PKIA: variants seen among roughly 807,000 people sequenced by gnomAD.
The protein encoded by PKIA is PKI-alpha.
A neutral mutation model predicts 7.6 loss-of-function variants in PKIA; 4 were observed. The observed-to-expected ratio is 0.52, with a 90% CI of 0.26 to 1.20. The LOEUF is 1.20. PKIA is among the 50% of genes most tolerant of loss of function. The probability of loss-of-function intolerance (pLI) is 0.13; values close to 1 mark genes in which losing one functional copy is unlikely to be tolerated. For missense variants in PKIA, 73 were observed against 86.2 expected (o/e 0.85, Z 0.61); for synonymous variants, 21 against 30.7 (o/e 0.68, Z 1.04).
Position 78,538,880 on chromosome 8 carries a change from G to T in PKIA, c.-157+22412G>T, listed in dbSNP as rs760294222. 3.9e-5 allele frequency among the ~76,000 whole-genome samples: 6 copies of T among 152,130 alleles called. No homozygotes were observed. In the East Asian group the frequency reaches 1.2e-3, roughly 29 times the overall value. On this transcript the variant is annotated intron_variant, in intron 1 of 3. Coordinates refer to ENST00000396418, the MANE Select transcript of PKIA (RefSeq NM_006823.4). Reference sequence around the variant, plus strand: ...ACACAACCCAGGGAAAAATGACTGGGCATTGTGAGAGAGTGTGGGTGTCTT... The same window carrying T: ...ACACAACCCAGGGAAAAATGACTGGTCATTGTGAGAGAGTGTGGGTGTCTT...
In PKIA at chr8:78,598,554, A is replaced by T; in HGVS notation, c.151+19A>T. On this transcript the variant is annotated intron_variant, in intron 3 of 3. Coordinates refer to ENST00000396418, the MANE Select transcript of PKIA (RefSeq NM_006823.4). Reference sequence around the variant, plus strand: ...AAGACAGGTAAGTCATCTGGCACACATTTCTCTATGAGCATGGAATGATTT... The same window carrying T: ...AAGACAGGTAAGTCATCTGGCACACTTTTCTCTATGAGCATGGAATGATTT... 1 of 1,593,922 alleles carries T rather than the reference A, an allele frequency of 6.3e-7. No homozygotes were observed.
At chr8:78,553,737 ATTTTT>A (rs10706008) in intron 1 of PKIA, among the ~76,000 whole-genome samples, 1 of 141,000 alleles carries the variant, frequency 7.1e-6, no homozygotes, top group African/African-American at 2.6e-5. Context: ...AAACAACTGG[ATTTTT>A]TTTTTTTTTT....
chr8:78,604,781 T>C lies in PKIA; in HGVS notation c.*2960T>C, dbSNP rs1808435957. ...TTGCAACAAGCATGAAATTGTTAAA[T>C]TTACCTTTTATCAATTGTAATCATC... On this transcript the variant is annotated 3_prime_UTR_variant, in exon 4 of 4. Coordinates refer to ENST00000396418, the MANE Select transcript of PKIA (RefSeq NM_006823.4). The C allele has an allele frequency of 6.6e-6, 1 of 151,984 alleles. No individual in the cohort carries two copies. The highest frequency in any genetic ancestry group is 3.2e-3 in the Middle Eastern group (1 of 316). The allele number at this position is 151,984 out of a possible 1,614,324, so 9.4% of individuals were successfully genotyped here.
chr8:78,571,487 T>C (rs914259788), intron 1 of PKIA, among the ~76,000 whole-genome samples: 3 of 152,092 alleles, frequency 2.0e-5, no homozygotes, highest in Admixed American at 1.3e-4. Context: ...CATATCTGGC[T>C]GAAACTTTCA....
intron 1 of PKIA, among the ~76,000 whole-genome samples, chr8:78,549,963 G>C (rs374041772): frequency 1.3e-5 from 2 of 152,028 alleles, no homozygotes; most frequent in Admixed American, 6.6e-5. Flanking sequence ...GTTTATTTTA[G>C]TCAGCAATTA....
intron 1 of PKIA, among the ~76,000 whole-genome samples, chr8:78,524,226 TTA>T (rs199509658): frequency 1.4e-5 from 2 of 138,018 alleles, no homozygotes; most frequent in African/African-American, 2.9e-5. Flanking sequence ...ACATTTATAT[TTA>T]TATATAAATA....
chr8:78,600,260 C>A (rs1808321664), intron 3 of PKIA, among the ~76,000 whole-genome samples: 1 of 151,940 alleles, frequency 6.6e-6, no homozygotes, highest in South Asian at 2.1e-4. Flanking sequence ...TATATAATGA[C>A]AAATTCAACG....
intron 1 of PKIA, among the ~76,000 whole-genome samples, chr8:78,521,622 T>C (rs1196785009): frequency 1.3e-5 from 2 of 152,024 alleles, no homozygotes; most frequent in East Asian, 3.9e-4. Flanking sequence ...ATTATAACTA[T>C]ATAAGTGTCT....
At chr8:78,544,619 T>C (rs1251457151) in intron 1 of PKIA, among the ~76,000 whole-genome samples, 1 of 152,164 alleles carries the variant, frequency 6.6e-6, no homozygotes, top group Non-Finnish European at 1.5e-5. Context: ...TTGATAAAAG[T>C]AATTGAAAGC....
chr8:78,598,645 G>A, intron 3 of PKIA, 110 bp downstream of exon 3: 1 of 813,192 alleles, frequency 1.2e-6, no homozygotes, highest in South Asian at 1.7e-5. Flanking sequence ...AATGTAAAGA[G>A]TTTTAAACAA....
intron 2 of PKIA, among the ~76,000 whole-genome samples, chr8:78,588,609 A>C (rs886552731): frequency 6.6e-6 from 1 of 152,214 alleles, no homozygotes; most frequent in Non-Finnish European, 1.5e-5. Flanking sequence ...TATTTGGTGA[A>C]TAATCTGTAG....
At chr8:78,518,776 T>C (rs1406108181) in intron 1 of PKIA, among the ~76,000 whole-genome samples, 1 of 152,182 alleles carries the variant, frequency 6.6e-6, no homozygotes, top group Non-Finnish European at 1.5e-5. Flanking sequence ...CACTAAGTTA[T>C]GGACTGGAGT....
intron 1 of PKIA, among the ~76,000 whole-genome samples, chr8:78,520,699 C>T (rs534366573): frequency 1.3e-5 from 2 of 152,288 alleles, no homozygotes; most frequent in Admixed American, 1.3e-4. Context: ...AGGTTAACAT[C>T]TCAAACTTTT....
At chr8:78,598,293 C>A (rs1249247629) in intron 2 of PKIA, 65 bp from the exon 3 acceptor site, 52 of 929,746 alleles carry the variant, frequency 5.6e-5, no homozygotes, top group Non-Finnish European at 8.3e-5. Context: ...TATACTAAGT[C>A]GGTAGTTAAA....
rs181081667 is a variant in PKIA, at chr8:78,603,884, G to A, written c.*2063G>A. On this transcript the variant is annotated 3_prime_UTR_variant, in exon 4 of 4. Coordinates refer to ENST00000396418, the MANE Select transcript of PKIA (RefSeq NM_006823.4). ...TCCTATGTGATATACTGTTATTAAT[G>A]CATGTGGTGCCATGCTTGTCTTTAA... 4 of 152,088 alleles carry A rather than the reference G, an allele frequency of 2.6e-5. No homozygotes were observed. The highest frequency in any genetic ancestry group is 2.6e-4 in the Admixed American group (4 of 15,234). The allele number at this position is 152,088 out of a possible 1,614,324, so 9.4% of individuals were successfully genotyped here.
chr8:78,602,229 T>C lies in PKIA; in HGVS notation c.*408T>C, dbSNP rs1179065867. 1.1e-5 allele frequency: 2 copies of C among 189,866 alleles called. No individual in the cohort carries two copies. Among genetic ancestry groups the C allele is most frequent in the African/African-American group, 2.4e-5 (1 of 41,894 alleles). 11.8% of individuals were successfully genotyped at this position (189,866 alleles called of 1,614,324 possible). ...AGAGTTTAAATATCTCTGGCTCAAG[T>C]GTTCACCCAGTAAAAGAAAGATCCA... On this transcript the variant is annotated 3_prime_UTR_variant, in exon 4 of 4. Transcript: ENST00000396418.
At chr8:78,530,801 G>A (rs924121829) in intron 1 of PKIA, among the ~76,000 whole-genome samples, 1 of 152,020 alleles carries the variant, frequency 6.6e-6, no homozygotes, top group African/African-American at 2.4e-5. Context: ...GTAAGATGCA[G>A]TAATATAATC....
In PKIA at chr8:78,541,687, T is replaced by C. The variant is rs543854989; in HGVS notation, c.-157+25219T>C. Among the ~76,000 whole-genome samples, 27 of 152,256 alleles carry C rather than the reference T, an allele frequency of 1.8e-4. No homozygotes were observed. The South Asian group carries it at 5.4e-3, about 30-fold the overall frequency. The stretch of plus-strand genomic sequence containing the variant: ...GGATAGTCCACAATTATTCAAATGG[T>C]AATTAAAGTGTCAAAACCATGTTTC... On this transcript the variant is annotated intron_variant, in intron 1 of 3. Coordinates refer to ENST00000396418, the MANE Select transcript of PKIA (RefSeq NM_006823.4).
At chr8:78,587,224 A>G (rs1807969078) in intron 2 of PKIA, among the ~76,000 whole-genome samples, 1 of 152,230 alleles carries the variant, frequency 6.6e-6, no homozygotes, top group Non-Finnish European at 1.5e-5. Flanking sequence ...AGATTTTAAA[A>G]GTATCTTTCT....
Sources: gnomAD v4.1 joint callset for allele counts (sites outside exome capture counted in the v4.1 genomes callset) on GRCh38, gnomAD v4.1.1 for gene constraint, MANE v1.5 for transcripts, NCBI Gene and HGNC (gene_info 2026-07-23, HGNC 2026-07-21) for gene names.